CERS6: variants seen among roughly 807,000 people sequenced by gnomAD.
CERS6 encodes ceramide synthase 6, also known as LAG1 homolog, ceramide synthase 6.
Under a neutral mutation model 56.8 loss-of-function variants are expected in CERS6, and 26 were observed. The ratio of observed to expected loss-of-function variants is 0.46; its 90% CI spans 0.34 to 0.63. The LOEUF is 0.63. Ranked by LOEUF, CERS6 falls within the 30% of genes least tolerant of loss-of-function variation. The pLI is 0.01. For missense variants in CERS6, 415 were observed against 467.5 expected, an observed-to-expected ratio of 0.89 and a Z score of 1.04; for synonymous variants, 164 against 173.3, an observed-to-expected ratio of 0.95 and a Z score of 0.42.
At chr2:168,738,230 C>G (rs1191272360) in intron 8 of CERS6, among the ~76,000 whole-genome samples, 1 of 152,198 alleles carries the variant, frequency 6.6e-6, no homozygotes, top group Non-Finnish European at 1.5e-5. Context: ...GCCTTGCTTT[C>G]TGCTTACAGC....
intron 3 of CERS6, among the ~76,000 whole-genome samples, chr2:168,579,166 T>C (rs1225531810): frequency 6.6e-6 from 1 of 152,200 alleles, no homozygotes. Flanking sequence ...TCTTATGATA[T>C]TAATTTTTAA....
At chr2:168,580,424 G>A (rs972933118) in intron 3 of CERS6, among the ~76,000 whole-genome samples, 3 of 152,212 alleles carry the variant, frequency 2.0e-5, no homozygotes, top group African/African-American at 7.2e-5. Flanking sequence ...AAAATCCAAT[G>A]TTGACCCCTC....
chr2:168,614,357 A>G (rs1271699846), intron 3 of CERS6, among the ~76,000 whole-genome samples: 1 of 152,216 alleles, frequency 6.6e-6, no homozygotes, highest in African/African-American at 2.4e-5. Flanking sequence ...TTTACAAACA[A>G]CTTAAAACTC....
chr2:168,489,821 T>G (rs1694337559), intron 1 of CERS6, among the ~76,000 whole-genome samples: 1 of 152,158 alleles, frequency 6.6e-6, no homozygotes, highest in Admixed American at 6.6e-5. Context: ...TTTCTCAGAG[T>G]TGGAATCTGA....
rs761049382 is a variant in CERS6 at position 168,517,985 on chromosome 2, A to G, written c.171-29611A>G. On this transcript the variant is annotated intron_variant, in intron 1 of 9. Transcript: ENST00000305747. ...ATAGTGTATGATGGCGATAGAGCAG[A>G]GATTTTTCTCATGACTAATTTTGCA... 4.6e-5 allele frequency among the ~76,000 whole-genome samples: 7 copies of G among 152,346 alleles called. 1 individual carries two copies. In the South Asian group the frequency reaches 1.4e-3, roughly 32 times the overall value.
chr2:168,472,235 G>A (rs775466006), intron 1 of CERS6, among the ~76,000 whole-genome samples: 3 of 152,232 alleles, frequency 2.0e-5, no homozygotes, highest in Middle Eastern at 3.4e-3. Context: ...ACTGAAACAC[G>A]CATAAAAGTA....
chr2:168,563,552 C>T (rs1445718004), intron 3 of CERS6, among the ~76,000 whole-genome samples: 2 of 152,154 alleles, frequency 1.3e-5, no homozygotes, highest in East Asian at 3.8e-4. Flanking sequence ...AATCCCAGCA[C>T]TTTTGGAGGC....
intron 1 of CERS6, among the ~76,000 whole-genome samples, chr2:168,534,546 G>C (rs12473547): frequency 0.23 from 34,949 of 151,616 alleles, 5,016 homozygotes; most frequent in East Asian, 0.52. Context: ...GCTCGCTCCC[G>C]CGTCGGGAGA....
intron 1 of CERS6, among the ~76,000 whole-genome samples, chr2:168,503,452 C>T (rs1004323892): frequency 6.6e-6 from 1 of 152,110 alleles, no homozygotes; most frequent in Admixed American, 6.5e-5. Context: ...TATCTCCTAG[C>T]AAGTTAGTTG....
In CERS6 at chr2:168,536,683, A is replaced by T. The variant is rs1695270048; in HGVS notation, c.171-10913A>T. On this transcript the variant is annotated intron_variant, in intron 1 of 9. Coordinates refer to ENST00000305747, the MANE Select transcript of CERS6 (RefSeq NM_203463.3). ...TATTCACAGTAGGAAAGTAAAGCAA[A>T]TTATAAATATATGTAGTATGATGTA... is the stretch of plus-strand genomic sequence containing the variant. Among the ~76,000 whole-genome samples, 4 of 152,220 alleles carry T rather than the reference A, an allele frequency of 2.6e-5. No homozygotes were observed. The South Asian group carries it at 8.3e-4, about 31-fold the overall frequency.
In CERS6 at chr2:168,456,362, C is replaced by A; in HGVS notation, c.-87C>A. On this transcript the variant is annotated 5_prime_UTR_variant, in exon 1 of 10. Coordinates refer to ENST00000305747, the MANE Select transcript of CERS6 (RefSeq NM_203463.3). The surrounding 1 kb of genome is among the most constrained non-coding windows in gnomAD (Gnocchi z 4.1). ...CGGCGGCGGCGGCACAGGCTCGGGG[C>A]CAGCCGGGCGCGCATCCCCGGGCGC... is the stretch of plus-strand genomic sequence containing the variant. The A allele has an allele frequency of 1.8e-6, 2 of 1,088,672 alleles. No individual in the cohort carries two copies. Among genetic ancestry groups the A allele is most frequent in the Non-Finnish European group, 2.4e-6 (2 of 822,270 alleles). 67.4% of individuals were successfully genotyped at this position (1,088,672 alleles called of 1,614,324 possible).
chr2:168,678,588 G>C (rs1686128074), intron 4 of CERS6, among the ~76,000 whole-genome samples: 1 of 152,154 alleles, frequency 6.6e-6, no homozygotes, highest in African/African-American at 2.4e-5. Flanking sequence ...AGACCTGTCT[G>C]TACACAGTAA....
rs1261403157 is a variant in CERS6 at position 168,555,722 on chromosome 2, C to CTCTGTGTG, written c.277-5469_277-5468insCTGTGTGT. 2.4e-3 allele frequency among the ~76,000 whole-genome samples: 342 copies of CTCTGTGTG among 141,006 alleles called. 2 individuals are homozygous for CTCTGTGTG. In the East Asian group the frequency reaches 0.032, roughly 13 times the overall value. The allele number at this position is 141,006 out of a possible 152,430, so 92.5% of individuals were successfully genotyped here. A position where few individuals can be genotyped will look rare whatever the true frequency, so the allele number is the denominator to read the frequency against. ...TTATTCTAGGAAAGTATAATTGACT[C>CTCTGTGTG]TGTGTGTGTGTGTGTGTGTGTGTGT... On this transcript the variant is annotated intron_variant, in intron 2 of 9. Transcript: ENST00000305747.
At chr2:168,547,818 G>A in intron 2 of CERS6, 117 bp downstream of exon 2, 1 of 696,566 alleles carries the variant, frequency 1.4e-6, no homozygotes, top group South Asian at 1.7e-5. Flanking sequence ...CCTTATGCTG[G>A]AGAACGTGTT....
chr2:168,657,632 G>T (rs889088958), intron 4 of CERS6, among the ~76,000 whole-genome samples: 1 of 152,232 alleles, frequency 6.6e-6, no homozygotes, highest in Non-Finnish European at 1.5e-5. Context: ...AGCGCCTGTG[G>T]ACCGGCACTG....
At chr2:168,540,862 T>A (rs1695355498) in intron 1 of CERS6, among the ~76,000 whole-genome samples, 2 of 152,230 alleles carry the variant, frequency 1.3e-5, no homozygotes, top group African/African-American at 4.8e-5. Context: ...ACAGTTTACT[T>A]CTCTGTAGGG....
intron 8 of CERS6, among the ~76,000 whole-genome samples, chr2:168,724,073 A>G (rs999549989): frequency 1.3e-5 from 2 of 152,116 alleles, no homozygotes; most frequent in Non-Finnish European, 2.9e-5. Flanking sequence ...CCTTGCGGTG[A>G]GTGTTACAGC....
intron 8 of CERS6, among the ~76,000 whole-genome samples, chr2:168,739,535 A>G (rs1683829229): frequency 6.6e-6 from 1 of 152,202 alleles, no homozygotes; most frequent in African/African-American, 2.4e-5. Context: ...GAGAAGAGCC[A>G]AGGGTGCAGA....
chr2:168,598,249 C>T (rs939916553), intron 3 of CERS6, among the ~76,000 whole-genome samples: 3 of 152,174 alleles, frequency 2.0e-5, no homozygotes, highest in Non-Finnish European at 4.4e-5. Flanking sequence ...TCAAGGAATA[C>T]TTCTTTGTTC....
Sources: allele counts gnomAD v4.1 joint callset (sites outside exome capture counted in the v4.1 genomes callset), GRCh38; gene constraint gnomAD v4.1.1; non-coding constraint Gnocchi (gnomAD v3.1); transcripts MANE v1.5; gene names NCBI Gene and HGNC (gene_info 2026-07-23, HGNC 2026-07-21).